DLG2: variants seen among roughly 807,000 people sequenced by gnomAD.
DLG2 encodes the protein disks large homolog 2.
In DLG2, 45 loss-of-function variants were observed where a neutral mutation model predicts 132.5. The observed-to-expected ratio is 0.34, with a 90% CI of 0.27 to 0.44. DLG2 has a LOEUF of 0.44. Among genes scored for constraint, DLG2 ranks in the 20% least tolerant of loss-of-function variants. The pLI is 1.00. For synonymous variants in DLG2, 424 were observed against 419.6 expected (o/e 1.01, Z -0.13); for missense variants, 1,045 against 1,196.9 (o/e 0.87, Z 1.87).
At chr11:85,124,400 C>G (rs1249156671) in intron 5 of DLG2, among the ~76,000 whole-genome samples, 1 of 152,204 alleles carries the variant, frequency 6.6e-6, no homozygotes, top group Non-Finnish European at 1.5e-5. Context: ...TCAATAATTT[C>G]TCTCATCCTT....
intron 7 of DLG2, chr11:84,273,093 A>G (rs11233973): frequency 7.3e-7 from 1 of 1,363,330 alleles, no homozygotes. Flanking sequence ...ATACAACAGG[A>G]GAAAAAGGAA....
intron 4 of DLG2, among the ~76,000 whole-genome samples, chr11:85,207,590 T>C (rs1427892971): frequency 2.0e-5 from 3 of 152,176 alleles, no homozygotes; most frequent in African/African-American, 4.8e-5. Context: ...GCTTGGCACA[T>C]AGACCCATTA....
chr11:83,645,183 T>A (rs1189901759), intron 18 of DLG2, among the ~76,000 whole-genome samples: 2 of 151,978 alleles, frequency 1.3e-5, no homozygotes, highest in Admixed American at 1.3e-4. Flanking sequence ...TTCCCTCAGG[T>A]TTACAGCTTG....
At chr11:83,961,196 CT>C (rs1487851728) in intron 14 of DLG2, among the ~76,000 whole-genome samples, 1 of 152,066 alleles carries the variant, frequency 6.6e-6, no homozygotes, top group African/African-American at 2.4e-5. Flanking sequence ...GATAGACTCA[CT>C]TTCTATTCCC....
intron 8 of DLG2, among the ~76,000 whole-genome samples, chr11:84,191,230 TA>T (rs920850682): frequency 6.6e-6 from 1 of 152,164 alleles, no homozygotes; most frequent in African/African-American, 2.4e-5. Context: ...TTTTAATGTA[TA>T]AAACATTTAT....
At chr11:84,757,203 G>A (rs1367094480) in intron 6 of DLG2, among the ~76,000 whole-genome samples, 1 of 151,820 alleles carries the variant, frequency 6.6e-6, no homozygotes, top group African/African-American at 2.4e-5. Flanking sequence ...CTGCAAAACT[G>A]TTTGTTTCCC....
Position 84,764,457 on chromosome 11 carries a change from T to G in DLG2, c.358-229726A>C, listed in dbSNP as rs147741227. Among the ~76,000 whole-genome samples the G allele has an allele frequency of 6.4e-3, 982 of 152,258 alleles. 9 individuals carry two copies. Among genetic ancestry groups the G allele is most frequent in the African/African-American group, 0.022 (925 of 41,556 alleles). ...ATGATAGTTAACATTTACATAGTGC[T>G]CATTTTCTGCCAAGCACTGTTCTAA... On this transcript the variant is annotated intron_variant, in intron 6 of 27. Transcript: ENST00000376104.
At chr11:85,492,994 T>C (rs948444837) in intron 3 of DLG2, among the ~76,000 whole-genome samples, 2 of 152,058 alleles carry the variant, frequency 1.3e-5, no homozygotes, top group Non-Finnish European at 2.9e-5. Context: ...CTAAGTATCA[T>C]ACTCCAAGCT....
At chr11:84,181,794 C>T (rs953704330) in intron 8 of DLG2, among the ~76,000 whole-genome samples, 1 of 152,086 alleles carries the variant, frequency 6.6e-6, no homozygotes, top group African/African-American at 2.4e-5. Flanking sequence ...AGAGGCATTA[C>T]ATAATAATAA....
chr11:85,408,995 TAGTG>T (rs2089058314), intron 3 of DLG2, among the ~76,000 whole-genome samples: 1 of 151,882 alleles, frequency 6.6e-6, no homozygotes, highest in South Asian at 2.1e-4. Flanking sequence ...TATGACAACT[TAGTG>T]AGGAGAAGGA....
Position 84,069,967 on chromosome 11 carries a change from C to T in DLG2, c.750-10483G>A, listed in dbSNP as rs186250305. 7.9e-4 allele frequency among the ~76,000 whole-genome samples: 121 copies of T among 152,322 alleles called. 1 individual carries two copies. Among genetic ancestry groups the T allele is most frequent in the African/African-American group, 2.8e-3 (117 of 41,580 alleles). ...TTGTCAACTTTCAAGAGATGAGGTG[C>T]TGGTACCTACCACCTGGATTACTAC... On this transcript the variant is annotated intron_variant, in intron 10 of 27. Transcript: ENST00000376104.
rs922748997 is a variant in DLG2 at position 85,205,150 on chromosome 11, A to G, written c.187-50499T>C. On this transcript the variant is annotated intron_variant, in intron 4 of 27. Coordinates refer to ENST00000376104, the MANE Select transcript of DLG2 (RefSeq NM_001142699.3). ...ATAATTCATATATATGTGTGTGTAT[A>G]TATATATATATATAGATATATATAT... Among the ~76,000 whole-genome samples the G allele has an allele frequency of 1.3e-3, 197 of 147,016 alleles. 1 individual carries two copies. The highest frequency in any genetic ancestry group is 4.7e-3 in the African/African-American group (190 of 40,378).
intron 19 of DLG2, among the ~76,000 whole-genome samples, chr11:83,621,543 G>C (rs2061643232): frequency 6.6e-6 from 1 of 152,122 alleles, no homozygotes; most frequent in South Asian, 2.1e-4. Context: ...ATTTGCTTTA[G>C]TGAAGACAGA....
Position 84,373,265 on chromosome 11 carries a change from C to CAAAAAAAAAAAAAAAAA in DLG2, c.520-121975_520-121974insTTTTTTTTTTTTTTTTT, listed in dbSNP as rs59038372. On this transcript the variant is annotated intron_variant, in intron 7 of 27. Coordinates refer to ENST00000376104, the MANE Select transcript of DLG2 (RefSeq NM_001142699.3). ...AGAAACAGTCAAAAAAAAAAAAAAA[C>CAAAAAAAAAAAAAAAAA]AAAACAAAAAAAAAACCCACCAGGC... 1.1e-4 allele frequency among the ~76,000 whole-genome samples: 11 copies of CAAAAAAAAAAAAAAAAA among 98,050 alleles called. 2 individuals are homozygous for CAAAAAAAAAAAAAAAAA. The highest frequency in any genetic ancestry group is 1.6e-4 in the Non-Finnish European group (9 of 55,158). 64.3% of individuals were successfully genotyped at this position (98,050 alleles called of 152,430 possible). A position where few individuals can be genotyped will look rare whatever the true frequency, so the allele number is the denominator to read the frequency against.
intron 12 of DLG2, among the ~76,000 whole-genome samples, chr11:83,970,914 G>A (rs1565859161): frequency 6.6e-6 from 1 of 152,002 alleles, no homozygotes; most frequent in Non-Finnish European, 1.5e-5. Context: ...GAATAGTACC[G>A]GATTTGGACC....
At chr11:84,844,741 T>G (rs1241063705) in intron 6 of DLG2, among the ~76,000 whole-genome samples, 1 of 152,118 alleles carries the variant, frequency 6.6e-6, no homozygotes, top group African/African-American at 2.4e-5. Flanking sequence ...TTAAGTTAAA[T>G]CTCTTGCATG....
chr11:84,746,918 A>C (rs751771915), intron 6 of DLG2, among the ~76,000 whole-genome samples: 7 of 152,202 alleles, frequency 4.6e-5, no homozygotes, highest in African/African-American at 7.2e-5. Flanking sequence ...GGAGGTTGGC[A>C]TATAGAAGGT....
intron 4 of DLG2, among the ~76,000 whole-genome samples, chr11:85,253,447 G>A (rs562509335): frequency 2.0e-5 from 3 of 152,226 alleles, no homozygotes; most frequent in East Asian, 1.9e-4. Flanking sequence ...CCACTCACTC[G>A]CTGCTCCACC....
At chr11:83,872,338 C>T (rs1338568973) in intron 16 of DLG2, among the ~76,000 whole-genome samples, 1 of 152,100 alleles carries the variant, frequency 6.6e-6, no homozygotes, top group Non-Finnish European at 1.5e-5. Context: ...GTGAAGGTCG[C>T]TGATCAACAA....
Sources: allele counts gnomAD v4.1 joint callset (sites outside exome capture counted in the v4.1 genomes callset), GRCh38; gene constraint gnomAD v4.1.1; transcripts MANE v1.5; gene names NCBI Gene and HGNC (gene_info 2026-07-23, HGNC 2026-07-21).